The following TRIM2 variants were observed in gnomAD, a reference collection of about 807,000 sequenced individuals.
TRIM2 encodes tripartite motif containing 2.
A neutral mutation model predicts 75.2 loss-of-function variants in TRIM2; 20 were observed. The observed-to-expected ratio is 0.27, with a 90% CI of 0.19 to 0.39. The LOEUF (loss-of-function observed/expected upper bound fraction) is 0.39. Ranked by LOEUF, TRIM2 falls within the 10% of genes least tolerant of loss-of-function variation. The pLI is 1.00. For synonymous variants in TRIM2, 373 were observed against 388.3 expected, an observed-to-expected ratio of 0.96 and a Z score of 0.46; for missense variants, 660 against 990.8, an observed-to-expected ratio of 0.67 and a Z score of 4.48.
chr4:153,161,043 C>T (rs1729691464), intron 1 of TRIM2, among the ~76,000 whole-genome samples: 1 of 152,196 alleles, frequency 6.6e-6, no homozygotes, highest in Non-Finnish European at 1.5e-5. Context: ...TAGGCATGCT[C>T]ATCTTGCCAA....
At chr4:153,196,520 T>A (rs1053519660) in intron 1 of TRIM2, among the ~76,000 whole-genome samples, 7 of 152,156 alleles carry the variant, frequency 4.6e-5, no homozygotes. Context: ...TGCCTGGGGT[T>A]GGTTGTGAGG....
intron 1 of TRIM2, among the ~76,000 whole-genome samples, chr4:153,183,149 C>T (rs563389441): frequency 6.6e-6 from 1 of 152,346 alleles, no homozygotes; most frequent in East Asian, 1.9e-4. Context: ...AGTCCACTTC[C>T]TCCAAGGCCT....
intron 1 of TRIM2, among the ~76,000 whole-genome samples, chr4:153,218,421 G>A (rs949477811): frequency 2.0e-5 from 3 of 152,056 alleles, no homozygotes; most frequent in Non-Finnish European, 2.9e-5. Flanking sequence ...CGTTGCCCAG[G>A]GTGGCCTCCC....
intron 1 of TRIM2, among the ~76,000 whole-genome samples, chr4:153,260,614 T>A (rs1376788462): frequency 1.3e-5 from 2 of 150,830 alleles, no homozygotes; most frequent in African/African-American, 4.9e-5. Context: ...GGACACACCC[T>A]GCCTGAAGAC....
chr4:153,318,612 T>C (rs900791437), intron 8 of TRIM2, among the ~76,000 whole-genome samples: 4 of 152,246 alleles, frequency 2.6e-5, no homozygotes, highest in Admixed American at 6.5e-5. Flanking sequence ...TATTTATATC[T>C]TGAATATCTT....
At chr4:153,276,223 G>T in intron 3 of TRIM2, 93 bp downstream of exon 3, 1 of 1,036,346 alleles carries the variant, frequency 9.6e-7, no homozygotes. Flanking sequence ...GATTGAAACA[G>T]AACTCCATGT....
Position 153,276,215 on chromosome 4 carries a change from T to C in TRIM2, c.453+85T>C, listed in dbSNP as rs774710295. 3.6e-6 allele frequency: 4 copies of C among 1,123,828 alleles called. No homozygotes were observed. The Admixed American group carries it at 7.6e-5, about 21-fold the overall frequency. The allele number at this position is 1,123,828 out of a possible 1,614,324, so 69.6% of individuals were successfully genotyped here. A position where few individuals can be genotyped will look rare whatever the true frequency, so the allele number is the denominator to read the frequency against. On this transcript the variant is annotated intron_variant, in intron 3 of 11. Coordinates refer to ENST00000338700, the MANE Select transcript of TRIM2 (RefSeq NM_015271.5). ...CTTTGGGTACATCAGAGATTACAGA[T>C]TGAAACAGAACTCCATGTGGAAAAA...
chr4:153,323,002 G>A (rs1190464787), intron 9 of TRIM2, among the ~76,000 whole-genome samples, 186 bp downstream of exon 9: 4 of 152,158 alleles, frequency 2.6e-5, no homozygotes, highest in African/African-American at 7.2e-5. Flanking sequence ...CCACCCACCC[G>A]GCAGTAAGTT....
chr4:153,294,188 T>G, intron 4 of TRIM2, 117 bp from the exon 5 acceptor site: 1 of 1,050,928 alleles, frequency 9.5e-7, no homozygotes, highest in Non-Finnish European at 1.4e-6. Context: ...CTGGTTATTG[T>G]TTTTTTAAAG....
chr4:153,215,375 CTGAAAA>C (rs1283146559), intron 1 of TRIM2, among the ~76,000 whole-genome samples: 3 of 152,062 alleles, frequency 2.0e-5, no homozygotes, highest in African/African-American at 7.2e-5. Flanking sequence ...CTGTTCAGAG[CTGAAAA>C]TGCATTTCCC....
upstream of TRIM2, among the ~76,000 whole-genome samples, chr4:153,200,512 G>T (rs998256680): frequency 3.3e-5 from 5 of 151,940 alleles, no homozygotes; most frequent in Non-Finnish European, 5.9e-5. Context: ...ACACGTATTT[G>T]TTTGAGCCCC....
intron 1 of TRIM2, among the ~76,000 whole-genome samples, chr4:153,181,632 T>C (rs1006084589): frequency 2.6e-5 from 4 of 152,122 alleles, no homozygotes; most frequent in Non-Finnish European, 5.9e-5. Flanking sequence ...GTATGGGGCA[T>C]AGGGCTAGAC....
chr4:153,270,088 C>T (rs1756281503), intron 1 of TRIM2, among the ~76,000 whole-genome samples: 1 of 151,938 alleles, frequency 6.6e-6, no homozygotes, highest in Admixed American at 6.6e-5. Flanking sequence ...GCCACCACAC[C>T]CGGCTAATTT....
intron 1 of TRIM2, among the ~76,000 whole-genome samples, chr4:153,181,667 T>C (rs1203205025): frequency 1.3e-5 from 2 of 152,140 alleles, no homozygotes; most frequent in Non-Finnish European, 2.9e-5. Context: ...GGAGGTGGGA[T>C]GTGGCAGCGA....
intron 3 of TRIM2, among the ~76,000 whole-genome samples, chr4:153,291,077 G>A (rs1441948274): frequency 1.3e-5 from 2 of 150,796 alleles, no homozygotes; most frequent in African/African-American, 5.0e-5. Context: ...CAAAAAAAAA[G>A]TGTCTTTCTA....
At chr4:153,305,462 G>T (rs142692920) in intron 6 of TRIM2, among the ~76,000 whole-genome samples, 1 of 152,068 alleles carries the variant, frequency 6.6e-6, no homozygotes, top group Non-Finnish European at 1.5e-5. Flanking sequence ...AGCTTGTCTC[G>T]GTCCCTTTTC....
At chr4:153,226,146 T>C (rs1261278433) in intron 1 of TRIM2, among the ~76,000 whole-genome samples, 2 of 152,226 alleles carry the variant, frequency 1.3e-5, no homozygotes, top group African/African-American at 2.4e-5. Flanking sequence ...GCTGGAATTA[T>C]AGGCTCGAGC....
At chr4:153,199,910 A>G (rs1308287878), upstream of TRIM2, among the ~76,000 whole-genome samples, 4 of 150,412 alleles carry the variant, frequency 2.7e-5, no homozygotes, top group East Asian at 7.8e-4. Context: ...AGTAGCTGGG[A>G]CTACAGGCAG....
In TRIM2 at chr4:153,334,772, A is replaced by T. The variant is rs772644797; in HGVS notation, c.2164-42A>T. ...TCTAACCCATGTTCAGCATATTACT[A>T]TAACTTCTCCTATAACATTCTGACT... On this transcript the variant is annotated intron_variant, in intron 11 of 11. Coordinates refer to ENST00000338700, the MANE Select transcript of TRIM2 (RefSeq NM_015271.5). The T allele has an allele frequency of 1.9e-6, 3 of 1,547,502 alleles. No individual in the cohort carries two copies. The Admixed American group carries it at 5.3e-5, about 27-fold the overall frequency.
Sources: gnomAD v4.1 joint callset for allele counts (sites outside exome capture counted in the v4.1 genomes callset) on GRCh38, gnomAD v4.1.1 for gene constraint, MANE v1.5 for transcripts, NCBI Gene and HGNC (gene_info 2026-07-23, HGNC 2026-07-21) for gene names.